IL15RA: variants seen among roughly 807,000 people sequenced by gnomAD.
IL15RA encodes the protein interleukin 15 receptor subunit alpha.
IL15RA carries 26 observed loss-of-function variants against 24.2 expected under a neutral mutation model. The observed-to-expected ratio is 1.07, with a 90% CI of 0.79 to 1.49. The LOEUF (loss-of-function observed/expected upper bound fraction) is 1.49. Ranked by LOEUF, IL15RA falls within the 40% of genes most tolerant of loss-of-function variation. IL15RA has a pLI of 0.00. For synonymous variants in IL15RA, 166 were observed against 157.6 expected, an observed-to-expected ratio of 1.05 and a Z score of -0.40; for missense variants, 354 against 356.4, an observed-to-expected ratio of 0.99 and a Z score of 0.05.
At chr10:5,969,058 GA>G (rs1837116168) in intron 1 of IL15RA, 3 of 1,206,626 alleles carry the variant, frequency 2.5e-6, no homozygotes, top group African/African-American at 3.0e-5. Context: ...CTCACCAATC[GA>G]TTCCATCGAT....
intron 6 of IL15RA, among the ~76,000 whole-genome samples, 163 bp downstream of exon 6, chr10:5,956,216 C>T (rs1474512493): frequency 2.0e-5 from 3 of 152,094 alleles, no homozygotes; most frequent in African/African-American, 7.2e-5. Context: ...GGTTCCACCA[C>T]GTTGGCCAGG....
Position 5,973,712 on chromosome 10 carries a change from A to G in IL15RA, c.88+3693T>C, listed in dbSNP as rs1459452610. 6.6e-6 allele frequency among the ~76,000 whole-genome samples: 1 copy of G among 152,232 alleles called. No homozygotes were observed. Among genetic ancestry groups the G allele is most frequent in the Non-Finnish European group, 1.5e-5 (1 of 68,042 alleles). On this transcript the variant is annotated intron_variant, in intron 1 of 6. Transcript: ENST00000379977. The surrounding 1 kb of genome is among the most constrained non-coding windows in gnomAD (Gnocchi z 4.5). Reference sequence around the variant, plus strand: ...CATAAATGTAAACCCTAAAGCTATAAAACTTCTAGAGGAACACATAGAAGT... The same window carrying G: ...CATAAATGTAAACCCTAAAGCTATAGAACTTCTAGAGGAACACATAGAAGT...
rs753492436 is a variant in IL15RA, at chr10:5,966,215, G to A, written c.213C>T (p.Ser71=). The part of the protein sequence containing the change: ...SGFKRKAGTS[S]LTECVLNKAT... ...CCTTGTTCAACACGCACTCCGTCAG[G>A]CTGGACGTGCCGGCTTTACGCTTGA... The change falls in exon 2 of 7, where the codon AGC becomes AGT. Residue 71 remains serine, a synonymous_variant. Coordinates refer to ENST00000379977, the MANE Select transcript of IL15RA (RefSeq NM_002189.4). The surrounding 1 kb of genome is among the most constrained non-coding windows in gnomAD (Gnocchi z 6.4). The A allele has an allele frequency of 3.7e-6, 6 of 1,614,146 alleles. No homozygotes were observed. In the Admixed American group the frequency reaches 8.3e-5, roughly 22 times the overall value.
In IL15RA at chr10:5,968,841, A is replaced by T; in HGVS notation, c.89-2502T>A. On this transcript the variant is annotated intron_variant, in intron 1 of 6. Transcript: ENST00000379977. The surrounding 1 kb of genome is among the most constrained non-coding windows in gnomAD (Gnocchi z 5.4). ...GCAGTTTTCCATTGTCCTGAGTCTC[A>T]CGCAGGCCTCGTGTGTCTGGACCTC... The T allele has an allele frequency of 1.1e-6, 1 of 884,474 alleles. No homozygotes were observed. The highest frequency in any genetic ancestry group is 1.8e-6 in the Non-Finnish European group (1 of 551,770). The allele number at this position is 884,474 out of a possible 1,614,324, so 54.8% of individuals were successfully genotyped here.
In IL15RA at chr10:5,975,579, A is replaced by C. The variant is rs1253100686; in HGVS notation, c.88+1826T>G. 7.4e-6 allele frequency among the ~76,000 whole-genome samples: 1 copy of C among 134,912 alleles called. No homozygotes were observed. Among genetic ancestry groups the C allele is most frequent in the Admixed American group, 7.5e-5 (1 of 13,374 alleles). 88.5% of individuals were successfully genotyped at this position (134,912 alleles called of 152,430 possible). A position where few individuals can be genotyped will look rare whatever the true frequency, so the allele number is the denominator to read the frequency against. On this transcript the variant is annotated intron_variant, in intron 1 of 6. Transcript: ENST00000379977. This position sits in a 1 kb window ranked among gnomAD's most constrained non-coding sequence, Gnocchi z 4.8. The stretch of plus-strand genomic sequence containing the variant: ...ATTGTCGGTCAATTATACCTCAATA[A>C]GGCTGTTAAAGGGAAAAAAAACAAC...
intron 1 of IL15RA, among the ~76,000 whole-genome samples, chr10:5,972,447 A>T (rs1048231989): frequency 2.6e-5 from 4 of 152,192 alleles, no homozygotes; most frequent in African/African-American, 9.7e-5. Flanking sequence ...AGTGTTTGTG[A>T]GTTGGACAAG....
intron 1 of IL15RA, among the ~76,000 whole-genome samples, chr10:5,969,823 T>C (rs757797286): frequency 7.9e-5 from 12 of 152,234 alleles, no homozygotes; most frequent in Non-Finnish European, 8.8e-5. Flanking sequence ...TCTCTTGATT[T>C]ATTTAAGAAT....
Position 5,952,959 on chromosome 10 carries a change from G to C in IL15RA, c.*136C>G. The C allele has an allele frequency of 1.4e-6, 1 of 697,772 alleles. No individual in the cohort carries two copies. Among genetic ancestry groups the C allele is most frequent in the South Asian group, 1.8e-5 (1 of 55,858 alleles). The allele number at this position is 697,772 out of a possible 1,614,324, so 43.2% of individuals were successfully genotyped here. ...GAGGCGCCGACCCGGCAGTCCGTGA[G>C]ATCCTGCTGGGACTTCTGAGAGGCC... On this transcript the variant is annotated 3_prime_UTR_variant, in exon 7 of 7. Transcript: ENST00000379977.
chr10:5,951,284 C>T (rs572103799), downstream of IL15RA, among the ~76,000 whole-genome samples: 6 of 152,048 alleles, frequency 3.9e-5, no homozygotes, highest in East Asian at 7.7e-4. Context: ...GATTGCATCA[C>T]TGCACTCCAG....
At chr10:5,969,940 G>A (rs1225715008) in intron 1 of IL15RA, among the ~76,000 whole-genome samples, 1 of 152,046 alleles carries the variant, frequency 6.6e-6, no homozygotes, top group East Asian at 1.9e-4. Flanking sequence ...CACTGCAAAT[G>A]GTATGATATT....
intron 5 of IL15RA, among the ~76,000 whole-genome samples, chr10:5,956,933 A>G (rs1564488354): frequency 1.3e-5 from 2 of 150,668 alleles, no homozygotes; most frequent in Non-Finnish European, 3.0e-5. Context: ...TTTTCCTTCC[A>G]ATTTCATTTT....
At chr10:5,951,799 TG>T (rs1247851964), downstream of IL15RA, among the ~76,000 whole-genome samples, 1 of 152,220 alleles carries the variant, frequency 6.6e-6, no homozygotes, top group Non-Finnish European at 1.5e-5. Context: ...CACTCCAGCC[TG>T]GGTGACAGAG....
At chr10:5,978,099 G>C (rs1838730905), upstream of IL15RA, 1 of 152,262 alleles carries the variant, frequency 6.6e-6, no homozygotes, top group Non-Finnish European at 1.5e-5. This position sits in a 1 kb window ranked among gnomAD's most constrained non-coding sequence, Gnocchi z 5.2. Context: ...CCCGGGCGGA[G>C]CGCAGCCCCC....
chr10:5,960,460 C>T lies in IL15RA; in HGVS notation c.490G>A (p.Glu164Lys), dbSNP rs1401815004. The T allele has an allele frequency of 1.1e-5, 17 of 1,614,000 alleles. No homozygotes were observed. The African/African-American group carries it at 2.3e-4, about 22-fold the overall frequency. ...PSKSPSTGTT[E>K]ISSHESSHGT... is the part of the protein sequence containing the mutation. ...TGGGAGGACTCATGACTGCTTATCT[C>T]TGTGGTTCCTGTGGAAGGTGATTTT... is the stretch of plus-strand genomic sequence containing the variant. The change falls in exon 4 of 7, where the codon GAG becomes AAG. Residue 164 changes from glutamate (E) to lysine (K), a missense_variant. Glu to Lys is a moderately conservative substitution (Grantham distance 56). Transcript: ENST00000379977. This position sits in a 1 kb window ranked among gnomAD's most constrained non-coding sequence, Gnocchi z 5.1.
chr10:5,957,416 C>T (rs577339571), intron 5 of IL15RA, among the ~76,000 whole-genome samples: 3 of 152,190 alleles, frequency 2.0e-5, no homozygotes, highest in Admixed American at 6.5e-5. Flanking sequence ...GCTGGGACTA[C>T]AGGCAGGTGC....
At chr10:5,976,682 TC>T (rs1207877847) in intron 1 of IL15RA, among the ~76,000 whole-genome samples, 2 of 152,008 alleles carry the variant, frequency 1.3e-5, no homozygotes, top group African/African-American at 4.8e-5. Flanking sequence ...CATTCCGTCC[TC>T]CCTGCCGAGA....
At chr10:5,949,957 G>A (rs1424061756), downstream of IL15RA, among the ~76,000 whole-genome samples, 3 of 152,206 alleles carry the variant, frequency 2.0e-5, no homozygotes, top group African/African-American at 4.8e-5. The surrounding 1 kb of genome is among the most constrained non-coding windows in gnomAD (Gnocchi z 4.4). Context: ...TTAGCCAGGT[G>A]TGGTGGTGTA....
In IL15RA at chr10:5,970,357, T is replaced by C. The variant is rs540954294; in HGVS notation, c.89-4018A>G. On this transcript the variant is annotated intron_variant, in intron 1 of 6. Transcript: ENST00000379977. The surrounding 1 kb of genome is among the most constrained non-coding windows in gnomAD (Gnocchi z 4.1). ...GACATATGTTATACCCCATGACACA[T>C]TGTTATTATTTTGCTTTAAACAGTT... 1.4e-4 allele frequency among the ~76,000 whole-genome samples: 21 copies of C among 152,202 alleles called. No individual in the cohort carries two copies. The highest frequency in any genetic ancestry group is 2.9e-4 in the Non-Finnish European group (20 of 68,038).
rs1291396607 is a variant in IL15RA at position 5,970,379 on chromosome 10, A to G, written c.89-4040T>C. On this transcript the variant is annotated intron_variant, in intron 1 of 6. Transcript: ENST00000379977. The surrounding 1 kb of genome is among the most constrained non-coding windows in gnomAD (Gnocchi z 4.1). Reference sequence around the variant, plus strand: ...ACATTGTTATTATTTTGCTTTAAACAGTTGATTATTGTTTATCAGCTCAGG... The same window carrying G: ...ACATTGTTATTATTTTGCTTTAAACGGTTGATTATTGTTTATCAGCTCAGG... 6.6e-6 allele frequency among the ~76,000 whole-genome samples: 1 copy of G among 152,210 alleles called. No homozygotes were observed. The highest frequency in any genetic ancestry group is 1.5e-5 in the Non-Finnish European group (1 of 68,046).
Sources: gnomAD v4.1 joint callset for allele counts (sites outside exome capture counted in the v4.1 genomes callset) on GRCh38, gnomAD v4.1.1 for gene constraint, Gnocchi (gnomAD v3.1) non-coding constraint, MANE v1.5 for transcripts, NCBI Gene and HGNC (gene_info 2026-07-23, HGNC 2026-07-21) for gene names.